The following PTPRG variants were observed in gnomAD, a reference collection of about 807,000 sequenced individuals.
PTPRG encodes protein tyrosine phosphatase receptor type G, also known as receptor-type tyrosine-protein phosphatase gamma.
In PTPRG, 102 loss-of-function variants were observed where a neutral mutation model predicts 165.3. The observed-to-expected ratio is 0.62, with a 90% CI of 0.53 to 0.73. The LOEUF is 0.73. Ranked by LOEUF, PTPRG falls within the 30% of genes least tolerant of loss-of-function variation. The probability of loss-of-function intolerance (pLI) is 0.00; values close to 1 mark genes in which losing one functional copy is unlikely to be tolerated. For missense variants in PTPRG, 1,866 were observed against 1,861.4 expected, an observed-to-expected ratio of 1.00 and a Z score of -0.05; for synonymous variants, 675 against 669.5, an observed-to-expected ratio of 1.01 and a Z score of -0.13.
rs1022790433 is a variant in PTPRG at position 62,240,874 on chromosome 3, T to C, written c.2376-2933T>C. On this transcript the variant is annotated intron_variant, in intron 14 of 29. Transcript: ENST00000474889. This position sits in a 1 kb window ranked among gnomAD's most constrained non-coding sequence, Gnocchi z 5.1. ...CACCACATCATTCTTATTTTCTTCA[T>C]TGCTCTTGACTATTTGAAGCAATTT... Among the ~76,000 whole-genome samples, 5 of 152,232 alleles carry C rather than the reference T, an allele frequency of 3.3e-5. No individual in the cohort carries two copies. Among genetic ancestry groups the C allele is most frequent in the African/African-American group, 1.2e-4 (5 of 41,462 alleles).
chr3:61,570,052 A>G (rs1700020830), intron 1 of PTPRG, among the ~76,000 whole-genome samples: 1 of 152,192 alleles, frequency 6.6e-6, no homozygotes, highest in South Asian at 2.1e-4. Context: ...CAGTGTGGTA[A>G]TGGAGGGAAA....
chr3:62,096,677 A>G (rs1702131453), intron 5 of PTPRG, among the ~76,000 whole-genome samples: 1 of 152,188 alleles, frequency 6.6e-6, no homozygotes, highest in Non-Finnish European at 1.5e-5. Flanking sequence ...TCGTTAGTGT[A>G]TTTCTGCAAA....
intron 1 of PTPRG, among the ~76,000 whole-genome samples, chr3:61,676,837 A>T (rs1021741107): frequency 1.3e-5 from 2 of 152,100 alleles, no homozygotes; most frequent in African/African-American, 2.4e-5. Context: ...TGGACCACCA[A>T]TTTCTTTTAT....
chr3:61,918,375 TAC>T (rs1052120333), intron 2 of PTPRG, among the ~76,000 whole-genome samples: 3 of 152,144 alleles, frequency 2.0e-5, no homozygotes, highest in East Asian at 1.9e-4. Flanking sequence ...TATATATATA[TAC>T]ACACACACAG....
intron 4 of PTPRG, among the ~76,000 whole-genome samples, chr3:62,070,349 C>T (rs2106725142): frequency 6.6e-6 from 1 of 152,284 alleles, no homozygotes; most frequent in African/African-American, 2.4e-5. Context: ...ATCTTGAGCC[C>T]TCCTTGCCAC....
intron 2 of PTPRG, among the ~76,000 whole-genome samples, chr3:61,845,537 T>G (rs539405379): frequency 6.6e-6 from 1 of 152,314 alleles, no homozygotes; most frequent in Non-Finnish European, 1.5e-5. Context: ...AATCACATAC[T>G]TCATCCTTAA....
At chr3:61,623,164 G>C (rs1016809134) in intron 1 of PTPRG, among the ~76,000 whole-genome samples, 3 of 152,052 alleles carry the variant, frequency 2.0e-5, no homozygotes, top group Admixed American at 2.0e-4. Context: ...TTTTGCTCAG[G>C]GTCTAAGAAT....
chr3:62,188,952 T>G (rs1443657324), intron 8 of PTPRG, among the ~76,000 whole-genome samples: 4 of 152,050 alleles, frequency 2.6e-5, no homozygotes, highest in African/African-American at 7.2e-5. Flanking sequence ...TTCCCCCGCC[T>G]CCTCCGTGTT....
intron 5 of PTPRG, among the ~76,000 whole-genome samples, chr3:62,116,457 C>G (rs749348374): frequency 6.6e-6 from 1 of 152,198 alleles, no homozygotes; most frequent in South Asian, 2.1e-4. Flanking sequence ...ATAAATCTAT[C>G]TTGATATTTT....
chr3:61,805,055 A>G (rs915762772), intron 2 of PTPRG, among the ~76,000 whole-genome samples: 2 of 152,222 alleles, frequency 1.3e-5, no homozygotes, highest in African/African-American at 2.4e-5. Context: ...TGAAACCCAG[A>G]GGCAGGGTGG....
intron 2 of PTPRG, among the ~76,000 whole-genome samples, chr3:61,922,963 T>G (rs2039116288): frequency 6.6e-6 from 1 of 152,180 alleles, no homozygotes; most frequent in Non-Finnish European, 1.5e-5. Flanking sequence ...TTTAAAACAT[T>G]ATTTCTATCC....
intron 4 of PTPRG, among the ~76,000 whole-genome samples, chr3:62,059,846 C>A (rs748767615): frequency 1.3e-5 from 2 of 152,134 alleles, no homozygotes; most frequent in South Asian, 4.1e-4. Context: ...TCATAAGGGG[C>A]TTTTCCGACT....
intron 4 of PTPRG, among the ~76,000 whole-genome samples, chr3:62,042,393 G>A (rs569837204): frequency 1.3e-5 from 2 of 152,174 alleles, no homozygotes; most frequent in Non-Finnish European, 2.9e-5. Flanking sequence ...TTTCTACAGC[G>A]TGTCTTTGTT....
chr3:61,701,692 G>T (rs1371918329), intron 1 of PTPRG, among the ~76,000 whole-genome samples: 3 of 152,278 alleles, frequency 2.0e-5, no homozygotes, highest in African/African-American at 7.2e-5. Context: ...GAGCCCAAGA[G>T]TTCAGGACCA....
At chr3:61,951,240 C>A (rs2039893117) in intron 2 of PTPRG, among the ~76,000 whole-genome samples, 1 of 152,216 alleles carries the variant, frequency 6.6e-6, no homozygotes, top group South Asian at 2.1e-4. Flanking sequence ...GTGGCAATCA[C>A]TTCTATTCCA....
At chr3:61,884,872 GA>G (rs1160158013) in intron 2 of PTPRG, among the ~76,000 whole-genome samples, 1 of 152,106 alleles carries the variant, frequency 6.6e-6, no homozygotes, top group Admixed American at 6.6e-5. Context: ...TTGGATTCCT[GA>G]CAGATTTAAA....
At chr3:61,721,343 T>C (rs1180633721) in intron 1 of PTPRG, among the ~76,000 whole-genome samples, 2 of 152,218 alleles carry the variant, frequency 1.3e-5, no homozygotes, top group African/African-American at 4.8e-5. Context: ...AGTGGCTTCC[T>C]AGAAGTTTGG....
intron 8 of PTPRG, among the ~76,000 whole-genome samples, chr3:62,185,501 A>C (rs1014868414): frequency 2.0e-5 from 3 of 152,154 alleles, no homozygotes; most frequent in Admixed American, 2.0e-4. Flanking sequence ...ATTTTAGACC[A>C]GTAGAAAACT....
chr3:61,931,571 C>T, intron 2 of PTPRG, among the ~76,000 whole-genome samples: 1 of 152,202 alleles, frequency 6.6e-6, no homozygotes, highest in South Asian at 2.1e-4. Flanking sequence ...ACTGCTCTTA[C>T]ACAAGTCAAG....
Sources: gnomAD v4.1 joint callset for allele counts (sites outside exome capture counted in the v4.1 genomes callset) on GRCh38, gnomAD v4.1.1 for gene constraint, Gnocchi (gnomAD v3.1) non-coding constraint, MANE v1.5 for transcripts, NCBI Gene and HGNC (gene_info 2026-07-23, HGNC 2026-07-21) for gene names.